The following PTPRN2 variants were observed in gnomAD, a reference collection of about 807,000 sequenced individuals.
PTPRN2 encodes receptor-type tyrosine-protein phosphatase N2.
Under a neutral mutation model 118.8 loss-of-function variants are expected in PTPRN2, and 74 were observed. That is an observed-to-expected ratio of 0.62 (90% CI 0.52 to 0.76). PTPRN2 has a LOEUF of 0.76. PTPRN2 is among the 30% of genes least tolerant of loss of function. PTPRN2 has a pLI of 0.00. For synonymous variants in PTPRN2, 641 were observed against 608.0 expected (o/e 1.05, Z -0.80); for missense variants, 1,481 against 1,394.4 (o/e 1.06, Z -0.99).
At chr7:158,463,384 T>C (rs151045912) in intron 2 of PTPRN2, among the ~76,000 whole-genome samples, 7 of 151,632 alleles carry the variant, frequency 4.6e-5, no homozygotes, top group African/African-American at 1.7e-4. Context: ...TCATCATCAT[T>C]ATCATTACCA....
intron 2 of PTPRN2, among the ~76,000 whole-genome samples, chr7:158,351,976 G>A (rs1421254085): frequency 7.5e-5 from 9 of 119,548 alleles, no homozygotes; most frequent in African/African-American, 3.0e-4. Context: ...CCTCCTGACC[G>A]CTCCCCTCCT....
chr7:158,412,994 C>G (rs1814312745), intron 2 of PTPRN2, among the ~76,000 whole-genome samples: 1 of 151,576 alleles, frequency 6.6e-6, no homozygotes, highest in African/African-American at 2.4e-5. Flanking sequence ...CATCCAGCAC[C>G]CTCCTCAGCA....
intron 2 of PTPRN2, among the ~76,000 whole-genome samples, chr7:158,421,169 C>A (rs779957553): frequency 5.3e-5 from 8 of 152,126 alleles, no homozygotes; most frequent in Non-Finnish European, 1.2e-4. Flanking sequence ...CTTGTTGCTC[C>A]CATTCTGGCT....
At position 158,563,621 on chromosome 7, in the gene PTPRN2, G is replaced by A. The variant is rs1194628427; in HGVS notation, c.112+23937C>T. ...TGAAGAATCCTGCAGCTCTCGCCGGGGACATCTGAACATCCTTGTTAGCTC... is the reference window on the plus strand; with the variant it reads ...TGAAGAATCCTGCAGCTCTCGCCGGAGACATCTGAACATCCTTGTTAGCTC... On this transcript the variant is annotated intron_variant, in intron 1 of 22. Transcript: ENST00000389418. This position sits in a 1 kb window ranked among gnomAD's most constrained non-coding sequence, Gnocchi z 5.1. Among the ~76,000 whole-genome samples, 2 of 152,184 alleles carry A rather than the reference G, an allele frequency of 1.3e-5. No individual in the cohort carries two copies. The highest frequency in any genetic ancestry group is 4.8e-5 in the African/African-American group (2 of 41,454).
intron 6 of PTPRN2, among the ~76,000 whole-genome samples, chr7:158,149,494 A>G (rs115591316): frequency 1.4e-4 from 21 of 152,122 alleles, no homozygotes; most frequent in African/African-American, 4.1e-4. Flanking sequence ...AATCCAATTA[A>G]CTCACTGATT....
At chr7:157,978,731 C>T (rs1034630192) in intron 11 of PTPRN2, among the ~76,000 whole-genome samples, 2 of 151,984 alleles carry the variant, frequency 1.3e-5, no homozygotes, top group Non-Finnish European at 2.9e-5. Flanking sequence ...TGGGACTGCA[C>T]ACTTTCTGTT....
chr7:158,074,967 C>G (rs57852521), intron 11 of PTPRN2, among the ~76,000 whole-genome samples: 14,431 of 152,282 alleles, frequency 0.095, 779 homozygotes, highest in African/African-American at 0.15. Flanking sequence ...GTGTCCCCCA[C>G]ATGCGGCTCC....
intron 2 of PTPRN2, among the ~76,000 whole-genome samples, chr7:158,358,748 G>A (rs1808588972): frequency 6.6e-6 from 1 of 152,208 alleles, no homozygotes; most frequent in Admixed American, 6.5e-5. Flanking sequence ...GCCCCCAGAT[G>A]GTCAGGTTCA....
intron 1 of PTPRN2, among the ~76,000 whole-genome samples, chr7:158,554,884 G>A (rs990092895): frequency 3.3e-5 from 5 of 152,068 alleles, no homozygotes; most frequent in Non-Finnish European, 4.4e-5. Context: ...TGGGGTTTTC[G>A]CTCCTGCCAG....
chr7:157,973,921 G>A (rs1473593656), intron 11 of PTPRN2, among the ~76,000 whole-genome samples: 3 of 152,152 alleles, frequency 2.0e-5, no homozygotes, highest in Non-Finnish European at 4.4e-5. Flanking sequence ...TTCTGTTGGG[G>A]GGACTGGAAA....
intron 2 of PTPRN2, among the ~76,000 whole-genome samples, chr7:158,388,813 C>T (rs553029055): frequency 7.2e-5 from 11 of 152,288 alleles, no homozygotes; most frequent in African/African-American, 2.6e-4. Flanking sequence ...AGACACTCAT[C>T]GCCCCAGAGA....
chr7:158,530,870 G>A (rs557809069), intron 1 of PTPRN2, among the ~76,000 whole-genome samples: 1 of 152,286 alleles, frequency 6.6e-6, no homozygotes, highest in South Asian at 2.1e-4. Flanking sequence ...CAGGAAGGAC[G>A]TTCACTCAGC....
chr7:158,138,272 G>A (rs1819024328), intron 7 of PTPRN2, 22 bp downstream of exon 7: 3 of 1,601,274 alleles, frequency 1.9e-6, no homozygotes, highest in East Asian at 2.2e-5. Context: ...CTGGGTGTGG[G>A]CACCCATGGC....
At position 157,563,012 on chromosome 7, in the gene PTPRN2, A is replaced by G. The variant is rs1210553469; in HGVS notation, c.2902+5890T>C. On this transcript the variant is annotated intron_variant, in intron 21 of 22. Coordinates refer to ENST00000389418, the MANE Select transcript of PTPRN2 (RefSeq NM_002847.5). ...CAGCAGATCAGGACCACATGCTCCC[A>G]CGTCACCACACACAGCAGATCAGGA... 1.2e-4 allele frequency among the ~76,000 whole-genome samples: 10 copies of G among 84,436 alleles called. 2 individuals are homozygous for G. The highest frequency in any genetic ancestry group is 8.0e-4 in the East Asian group (2 of 2,510). The allele number at this position is 84,436 out of a possible 152,430, so 55.4% of individuals were successfully genotyped here. A position where few individuals can be genotyped will look rare whatever the true frequency, so the allele number is the denominator to read the frequency against.
At chr7:158,173,033 CCCA>C (rs1485676004) in intron 5 of PTPRN2, among the ~76,000 whole-genome samples, 1 of 150,644 alleles carries the variant, frequency 6.6e-6, no homozygotes, top group East Asian at 2.0e-4. Flanking sequence ...TAGCAGGATC[CCCA>C]CCATCATCAC....
At chr7:158,248,321 C>G in intron 3 of PTPRN2, among the ~76,000 whole-genome samples, 1 of 152,276 alleles carries the variant, frequency 6.6e-6, no homozygotes, top group East Asian at 1.9e-4. Context: ...CAAGCACCTG[C>G]GTACCCCAAG....
At chr7:158,087,414 G>C (rs550532016) in intron 10 of PTPRN2, among the ~76,000 whole-genome samples, 1 of 152,200 alleles carries the variant, frequency 6.6e-6, no homozygotes, top group Non-Finnish European at 1.5e-5. Flanking sequence ...GCACATCTAT[G>C]GTAAGAAGCG....
At chr7:157,810,555 G>T (rs558054682) in intron 12 of PTPRN2, among the ~76,000 whole-genome samples, 2 of 145,584 alleles carry the variant, frequency 1.4e-5, no homozygotes, top group Non-Finnish European at 3.0e-5. Flanking sequence ...CGGGGACGGC[G>T]GGACTGCTGG....
At position 157,801,376 on chromosome 7, in the gene PTPRN2, G is replaced by A. The variant is rs948608613; in HGVS notation, c.1788+97297C>T. Among the ~76,000 whole-genome samples, 2 of 152,162 alleles carry A rather than the reference G, an allele frequency of 1.3e-5. No individual in the cohort carries two copies. Among genetic ancestry groups the A allele is most frequent in the Non-Finnish European group, 2.9e-5 (2 of 68,042 alleles). On this transcript the variant is annotated intron_variant, in intron 12 of 22. Coordinates refer to ENST00000389418, the MANE Select transcript of PTPRN2 (RefSeq NM_002847.5). This position sits in a 1 kb window ranked among gnomAD's most constrained non-coding sequence, Gnocchi z 4.2. The stretch of plus-strand genomic sequence containing the variant: ...TTTGCCGTCTCCAGAAAGAGCTGTC[G>A]AGGTTTATTTATTCACGGAGAGGCT...
Sources: gnomAD v4.1 joint callset for allele counts (sites outside exome capture counted in the v4.1 genomes callset) on GRCh38, gnomAD v4.1.1 for gene constraint, Gnocchi (gnomAD v3.1) non-coding constraint, MANE v1.5 for transcripts, NCBI Gene and HGNC (gene_info 2026-07-23, HGNC 2026-07-21) for gene names.